The following PTPRD variants were observed in gnomAD, a reference collection of about 807,000 sequenced individuals.
PTPRD encodes the protein receptor-type tyrosine-protein phosphatase delta.
A neutral mutation model predicts 214.5 loss-of-function variants in PTPRD; 34 were observed. The ratio of observed to expected loss-of-function variants is 0.16; its 90% CI spans 0.12 to 0.21. The LOEUF (loss-of-function observed/expected upper bound fraction) is 0.21, where lower values mean the gene tolerates loss of function less well. Ranked by LOEUF, PTPRD falls within the 10% of genes least tolerant of loss-of-function variation. PTPRD has a pLI of 1.00. For missense variants in PTPRD, 2,545 were observed against 2,398.7 expected (o/e 1.06, Z -1.27); for synonymous variants, 1,128 against 845.7 (o/e 1.33, Z -5.79).
At chr9:9,034,420 G>C (rs2099615185) in intron 10 of PTPRD, among the ~76,000 whole-genome samples, 1 of 152,040 alleles carries the variant, frequency 6.6e-6, no homozygotes, top group African/African-American at 2.4e-5. Context: ...GCCTAACCTG[G>C]GTTTAAAATA....
chr9:9,475,116 G>T (rs1232037201), intron 8 of PTPRD, among the ~76,000 whole-genome samples: 1 of 152,064 alleles, frequency 6.6e-6, no homozygotes, highest in Non-Finnish European at 1.5e-5. Context: ...GTCAGGCAAT[G>T]GTTCTCTTAA....
chr9:10,508,619 A>C (rs1343757931), intron 2 of PTPRD, among the ~76,000 whole-genome samples: 1 of 152,202 alleles, frequency 6.6e-6, no homozygotes, highest in Non-Finnish European at 1.5e-5. Flanking sequence ...GCAGCCATAA[A>C]AAAGGATGAG....
At chr9:8,368,344 G>A (rs1039073817) in intron 39 of PTPRD, among the ~76,000 whole-genome samples, 3 of 152,080 alleles carry the variant, frequency 2.0e-5, no homozygotes, top group African/African-American at 7.2e-5. Context: ...AATAAGTGAT[G>A]GGGAGATGCT....
chr9:9,719,307 T>C (rs983557135), intron 7 of PTPRD, among the ~76,000 whole-genome samples: 2 of 152,122 alleles, frequency 1.3e-5, no homozygotes, highest in African/African-American at 4.8e-5. Flanking sequence ...ACCTCATTCT[T>C]CTTGGACATG....
chr9:9,411,658 A>G (rs930703994), intron 8 of PTPRD, among the ~76,000 whole-genome samples: 1 of 152,184 alleles, frequency 6.6e-6, no homozygotes, highest in African/African-American at 2.4e-5. Context: ...CTGACACCTG[A>G]AAAAAGGACC....
At chr9:10,060,891 TC>T (rs1401262583) in intron 3 of PTPRD, among the ~76,000 whole-genome samples, 23 of 89,946 alleles carry the variant, frequency 2.6e-4, no homozygotes, top group Middle Eastern at 9.5e-3. Context: ...CTTCCTTCCT[TC>T]CTTCCTTCTT....
At position 8,449,860 on chromosome 9, in the gene PTPRD, T is replaced by C. The variant is rs761341485; in HGVS notation, c.3876-23A>G. The C allele has an allele frequency of 2.5e-6, 4 of 1,606,682 alleles. No individual in the cohort carries two copies. In the East Asian group the frequency reaches 8.9e-5, roughly 36 times the overall value. Reference sequence around the variant, plus strand: ...TTCCTATAGGGGGAAAATAGAAATTTAAGAAGAAAAGAAAAATCAATTGAA... The same window carrying C: ...TTCCTATAGGGGGAAAATAGAAATTCAAGAAGAAAAGAAAAATCAATTGAA... On this transcript the variant is annotated intron_variant, in intron 33 of 45. Coordinates refer to ENST00000381196, the MANE Select transcript of PTPRD (RefSeq NM_002839.4).
rs181954077 is a variant in PTPRD, at chr9:9,971,164, T to C, written c.-471-32554A>G. 3.4e-3 allele frequency among the ~76,000 whole-genome samples: 515 copies of C among 152,286 alleles called. 2 individuals are homozygous for C. The highest frequency in any genetic ancestry group is 5.5e-3 in the Non-Finnish European group (371 of 68,022). On this transcript the variant is annotated intron_variant, in intron 4 of 45. Coordinates refer to ENST00000381196, the MANE Select transcript of PTPRD (RefSeq NM_002839.4). Reference sequence around the variant, plus strand: ...TAAATAAAAAGGTAAAACAATCATGTGATTAACAATAAGCTAATTAAAAAA... The same window carrying C: ...TAAATAAAAAGGTAAAACAATCATGCGATTAACAATAAGCTAATTAAAAAA...
intron 10 of PTPRD, among the ~76,000 whole-genome samples, chr9:9,169,866 C>T (rs1038212731): frequency 6.6e-6 from 1 of 152,128 alleles, no homozygotes; most frequent in African/African-American, 2.4e-5. Context: ...CCTGGTTAGC[C>T]TAATGATGTT....
At chr9:9,407,448 C>T (rs2073897756) in intron 8 of PTPRD, among the ~76,000 whole-genome samples, 1 of 151,690 alleles carries the variant, frequency 6.6e-6, no homozygotes. Context: ...AAAATATAAA[C>T]AGATAGGGTA....
At chr9:10,248,392 T>C (rs1343559310) in intron 3 of PTPRD, among the ~76,000 whole-genome samples, 1 of 151,674 alleles carries the variant, frequency 6.6e-6, no homozygotes, top group African/African-American at 2.4e-5. Flanking sequence ...AAGAAAAACT[T>C]GGAAAAGAAA....
At chr9:9,379,054 G>C (rs1476854995) in intron 9 of PTPRD, among the ~76,000 whole-genome samples, 1 of 151,144 alleles carries the variant, frequency 6.6e-6, no homozygotes, top group African/African-American at 2.4e-5. Flanking sequence ...TGAGTCTTTG[G>C]TGTTATAATT....
intron 4 of PTPRD, among the ~76,000 whole-genome samples, chr9:9,952,323 G>A (rs1003476003): frequency 1.3e-5 from 2 of 152,156 alleles, no homozygotes; most frequent in African/African-American, 4.8e-5. Context: ...TTAAACAGAA[G>A]GTGTATATAA....
chr9:9,300,964 C>T (rs1422138068), intron 9 of PTPRD, among the ~76,000 whole-genome samples: 1 of 151,710 alleles, frequency 6.6e-6, no homozygotes, highest in Non-Finnish European at 1.5e-5. Context: ...ATACACTTTT[C>T]CCACTAGAGT....
chr9:9,371,744 G>A (rs947748736), intron 9 of PTPRD, among the ~76,000 whole-genome samples: 2 of 152,012 alleles, frequency 1.3e-5, no homozygotes, highest in Non-Finnish European at 2.9e-5. Flanking sequence ...TCTCTTGTGG[G>A]CATTTAGTGC....
intron 44 of PTPRD, among the ~76,000 whole-genome samples, chr9:8,325,845 T>G (rs995559222): frequency 5.3e-5 from 8 of 152,208 alleles, no homozygotes; most frequent in South Asian, 2.1e-4. Context: ...TTGAAGCAAT[T>G]GTGAATGGGA....
intron 3 of PTPRD, among the ~76,000 whole-genome samples, chr9:10,339,307 G>A (rs1243118726): frequency 6.6e-6 from 1 of 151,678 alleles, no homozygotes; most frequent in Non-Finnish European, 1.5e-5. Flanking sequence ...TTTCATTGTT[G>A]TTCTTTTGTT....
At chr9:9,072,722 C>T (rs906702140) in intron 10 of PTPRD, among the ~76,000 whole-genome samples, 5 of 152,248 alleles carry the variant, frequency 3.3e-5, no homozygotes, top group South Asian at 2.1e-4. Context: ...GGAAATCTTA[C>T]GTAGCAGGGA....
At chr9:10,456,049 G>C (rs186408801) in intron 2 of PTPRD, among the ~76,000 whole-genome samples, 1 of 151,790 alleles carries the variant, frequency 6.6e-6, no homozygotes, top group Non-Finnish European at 1.5e-5. Context: ...CTAGAACCAA[G>C]TAGAAAGAAG....
Sources: gnomAD v4.1 joint callset for allele counts (sites outside exome capture counted in the v4.1 genomes callset) on GRCh38, gnomAD v4.1.1 for gene constraint, MANE v1.5 for transcripts, NCBI Gene and HGNC (gene_info 2026-07-23, HGNC 2026-07-21) for gene names.